Variants in PTPRD observed in about 807,000 individuals in gnomAD.
The protein encoded by PTPRD is protein tyrosine phosphatase receptor type D.
A neutral mutation model predicts 214.5 loss-of-function variants in PTPRD; 34 were observed. The observed-to-expected ratio is 0.16, with a 90% CI of 0.12 to 0.21. PTPRD has a LOEUF of 0.21. PTPRD is among the 10% of genes least tolerant of loss of function. PTPRD has a pLI of 1.00. For missense variants in PTPRD, 2,545 were observed against 2,398.7 expected (o/e 1.06, Z -1.27); for synonymous variants, 1,128 against 845.7 (o/e 1.33, Z -5.79).
At chr9:9,917,155 GAACA>G (rs1463685335) in intron 5 of PTPRD, among the ~76,000 whole-genome samples, 6 of 148,914 alleles carry the variant, frequency 4.0e-5, no homozygotes, top group Non-Finnish European at 6.0e-5. Flanking sequence ...GTCTAGAAAA[GAACA>G]AACTAAATCC....
chr9:9,883,677 T>G (rs886095873), intron 5 of PTPRD, among the ~76,000 whole-genome samples: 4 of 152,278 alleles, frequency 2.6e-5, no homozygotes, highest in East Asian at 3.9e-4. Context: ...ATACAACCAC[T>G]GCCTCACATG....
intron 9 of PTPRD, among the ~76,000 whole-genome samples, chr9:9,378,910 CA>C (rs1233641176): frequency 2.0e-5 from 3 of 151,880 alleles, no homozygotes; most frequent in African/African-American, 7.2e-5. Flanking sequence ...CGCTCCTTAT[CA>C]GATGTATCCT....
intron 7 of PTPRD, among the ~76,000 whole-genome samples, chr9:9,713,269 T>C (rs2097767289): frequency 6.6e-6 from 1 of 152,162 alleles, no homozygotes; most frequent in Admixed American, 6.5e-5. Context: ...TTCTATATTG[T>C]TGAAATAAAA....
intron 4 of PTPRD, among the ~76,000 whole-genome samples, chr9:10,000,315 T>C (rs2096275856): frequency 6.6e-6 from 1 of 152,154 alleles, no homozygotes; most frequent in Admixed American, 6.5e-5. Flanking sequence ...AGTGATAATT[T>C]TAATACTCAT....
At chr9:10,096,410 G>C (rs1015156256) in intron 3 of PTPRD, among the ~76,000 whole-genome samples, 3 of 151,842 alleles carry the variant, frequency 2.0e-5, no homozygotes, top group African/African-American at 7.3e-5. Flanking sequence ...GTTGTTTCCT[G>C]ACTTTTTAAT....
At chr9:8,997,924 C>T (rs557486325) in intron 11 of PTPRD, among the ~76,000 whole-genome samples, 1 of 152,140 alleles carries the variant, frequency 6.6e-6, no homozygotes, top group African/African-American at 2.4e-5. Context: ...TCAAACCAGC[C>T]ACATTTCCTC....
chr9:9,895,931 G>A (rs568949730), intron 5 of PTPRD, among the ~76,000 whole-genome samples: 2 of 151,898 alleles, frequency 1.3e-5, no homozygotes, highest in Non-Finnish European at 2.9e-5. Flanking sequence ...TCTTTCTTGA[G>A]GTTATATGGC....
chr9:9,429,634 T>C (rs1029028285), intron 8 of PTPRD, among the ~76,000 whole-genome samples: 3 of 152,156 alleles, frequency 2.0e-5, no homozygotes, highest in Non-Finnish European at 2.9e-5. Flanking sequence ...CTGATGAACA[T>C]TGATGCAAAA....
intron 9 of PTPRD, among the ~76,000 whole-genome samples, chr9:9,393,439 G>C (rs2066596843): frequency 6.6e-6 from 1 of 152,076 alleles, no homozygotes; most frequent in Non-Finnish European, 1.5e-5. Flanking sequence ...ATTGGAAGGT[G>C]ACTCACCATA....
intron 3 of PTPRD, among the ~76,000 whole-genome samples, chr9:10,120,304 G>T (rs931184823): frequency 6.6e-6 from 1 of 151,502 alleles, no homozygotes; most frequent in Admixed American, 6.6e-5. Flanking sequence ...TTAGTTAAAT[G>T]GTTACTGAAA....
intron 11 of PTPRD, among the ~76,000 whole-genome samples, chr9:9,001,654 A>G (rs1421693028): frequency 6.6e-6 from 1 of 151,972 alleles, no homozygotes; most frequent in African/African-American, 2.4e-5. Context: ...GGACTTTGAG[A>G]GGTTTTTTGG....
At chr9:10,589,894 A>G (rs1018675974) in intron 2 of PTPRD, among the ~76,000 whole-genome samples, 5 of 152,118 alleles carry the variant, frequency 3.3e-5, no homozygotes, top group Non-Finnish European at 7.4e-5. Context: ...GAAGGCTAAG[A>G]AATGCATAAG....
intron 2 of PTPRD, among the ~76,000 whole-genome samples, chr9:10,564,566 C>A (rs540952474): frequency 5.7e-4 from 86 of 152,154 alleles, no homozygotes; most frequent in African/African-American, 1.8e-3. Flanking sequence ...AGAGCTATAT[C>A]CTTTAGAGCA....
intron 2 of PTPRD, among the ~76,000 whole-genome samples, chr9:10,540,065 G>C (rs2058747599): frequency 6.6e-6 from 1 of 152,092 alleles, no homozygotes; most frequent in Non-Finnish European, 1.5e-5. Flanking sequence ...GTCTTGCTCT[G>C]TTATTTTGAG....
intron 11 of PTPRD, among the ~76,000 whole-genome samples, chr9:8,762,166 A>G (rs2094452726): frequency 6.6e-6 from 1 of 152,172 alleles, no homozygotes; most frequent in South Asian, 2.1e-4. Context: ...TAAATTAAAT[A>G]TATTAGTATA....
At chr9:9,359,439 T>C (rs1205356032) in intron 9 of PTPRD, among the ~76,000 whole-genome samples, 2 of 151,324 alleles carry the variant, frequency 1.3e-5, no homozygotes, top group Non-Finnish European at 3.0e-5. Context: ...TTTCTAACAA[T>C]CTCTCTCTTT....
chr9:9,060,013 G>A (rs1271091042), intron 10 of PTPRD, among the ~76,000 whole-genome samples: 4 of 152,090 alleles, frequency 2.6e-5, no homozygotes, highest in Non-Finnish European at 5.9e-5. Flanking sequence ...CCAATAAAAT[G>A]TAAATTTTTG....
At chr9:8,760,248 T>C (rs933511586) in intron 11 of PTPRD, among the ~76,000 whole-genome samples, 18 of 150,914 alleles carry the variant, frequency 1.2e-4, no homozygotes, top group African/African-American at 4.5e-4. Flanking sequence ...GAATTTTAAA[T>C]ACACACAGAT....
intron 10 of PTPRD, among the ~76,000 whole-genome samples, chr9:9,167,660 C>T (rs1289651755): frequency 6.6e-6 from 1 of 151,918 alleles, no homozygotes; most frequent in African/African-American, 2.4e-5. Flanking sequence ...GAGGCTGAGG[C>T]ACAAGAATCG....
Sources: allele counts gnomAD v4.1 joint callset (sites outside exome capture counted in the v4.1 genomes callset), GRCh38; gene constraint gnomAD v4.1.1; transcripts MANE v1.5; gene names NCBI Gene and HGNC (gene_info 2026-07-23, HGNC 2026-07-21).